Variants in RFTN2 observed in about 807,000 individuals in gnomAD.
The protein encoded by RFTN2 is raftlin family member 2.
RFTN2 carries 34 observed loss-of-function variants against 52.7 expected under a neutral mutation model. That is an observed-to-expected ratio of 0.64 (90% CI 0.49 to 0.86). RFTN2 has a LOEUF of 0.86. Ranked by LOEUF, RFTN2 falls within the 40% of genes least tolerant of loss-of-function variation. The pLI, the probability that RFTN2 is intolerant of heterozygous loss-of-function variation, is 0.00. For synonymous variants in RFTN2, 203 were observed against 217.7 expected (o/e 0.93, Z 0.59); for missense variants, 536 against 600.1 (o/e 0.89, Z 1.12).
At chr2:197,631,607 C>T (rs1199365832) in intron 4 of RFTN2, among the ~76,000 whole-genome samples, 1 of 152,116 alleles carries the variant, frequency 6.6e-6, no homozygotes, top group Non-Finnish European at 1.5e-5. Context: ...GTTCAACATG[C>T]CTTTGAAATG....
intron 1 of RFTN2, among the ~76,000 whole-genome samples, chr2:197,661,700 T>C (rs1424810833): frequency 1.3e-5 from 2 of 152,156 alleles, no homozygotes; most frequent in African/African-American, 4.8e-5. Flanking sequence ...TTTAGTTTTT[T>C]GAGAAATCTC....
chr2:197,583,873 T>C (rs896873298), intron 8 of RFTN2, among the ~76,000 whole-genome samples: 2 of 151,912 alleles, frequency 1.3e-5, no homozygotes, highest in Non-Finnish European at 2.9e-5. Context: ...TGAGAACATG[T>C]GGTGTTTGGT....
At chr2:197,641,481 T>G (rs1437712841) in intron 3 of RFTN2, among the ~76,000 whole-genome samples, 2 of 152,234 alleles carry the variant, frequency 1.3e-5, no homozygotes, top group Non-Finnish European at 2.9e-5. Context: ...CAGTGCTTCC[T>G]CTAGGTCTTG....
At chr2:197,617,995 TAACTC>T in intron 5 of RFTN2, 74 bp from the exon 6 acceptor site, 1 of 1,211,104 alleles carries the variant, frequency 8.3e-7, no homozygotes, top group Non-Finnish European at 1.1e-6. Context: ...AATCCTTAAA[TAACTC>T]ATATAGGAAA....
chr2:197,655,168 T>C (rs1465738747), intron 1 of RFTN2, among the ~76,000 whole-genome samples: 2 of 152,182 alleles, frequency 1.3e-5, no homozygotes, highest in African/African-American at 2.4e-5. Context: ...AGCAGAATTA[T>C]ACAACATGTT....
intron 7 of RFTN2, among the ~76,000 whole-genome samples, chr2:197,612,227 A>G (rs1348549744): frequency 6.6e-6 from 1 of 152,066 alleles, no homozygotes; most frequent in African/African-American, 2.4e-5. Flanking sequence ...GATATAAATG[A>G]GTGCATGTCT....
At chr2:197,575,019 T>C (rs2087388838) in intron 8 of RFTN2, among the ~76,000 whole-genome samples, 1 of 152,178 alleles carries the variant, frequency 6.6e-6, no homozygotes, top group Non-Finnish European at 1.5e-5. Flanking sequence ...CCAAATCTCA[T>C]CTTGAATTGT....
chr2:197,633,152 T>A (rs1367948407), intron 4 of RFTN2, among the ~76,000 whole-genome samples: 1 of 152,208 alleles, frequency 6.6e-6, no homozygotes, highest in Non-Finnish European at 1.5e-5. Flanking sequence ...ACTCTCAGTT[T>A]CTTTGGAAGA....
At chr2:197,671,599 G>A (rs1470523841) in intron 1 of RFTN2, among the ~76,000 whole-genome samples, 1 of 152,168 alleles carries the variant, frequency 6.6e-6, no homozygotes. Context: ...ATATCCGAGG[G>A]CAGAAACTGT....
intron 7 of RFTN2, among the ~76,000 whole-genome samples, chr2:197,614,578 C>G (rs145966772): frequency 6.6e-6 from 1 of 152,328 alleles, no homozygotes; most frequent in East Asian, 1.9e-4. Flanking sequence ...CACATGCCTA[C>G]TTGGGCTTTG....
At chr2:197,574,826 C>T (rs1423287029) in intron 8 of RFTN2, among the ~76,000 whole-genome samples, 2 of 152,144 alleles carry the variant, frequency 1.3e-5, no homozygotes, top group Non-Finnish European at 2.9e-5. Flanking sequence ...CAAGATCACA[C>T]CAATGCACTC....
At chr2:197,674,593 C>A (rs1198033408) in intron 1 of RFTN2, among the ~76,000 whole-genome samples, 3 of 151,982 alleles carry the variant, frequency 2.0e-5, no homozygotes, top group Non-Finnish European at 2.9e-5. Flanking sequence ...TAAAAAGCTG[C>A]TTTGTCTGTG....
At chr2:197,591,677 G>A (rs561671391) in intron 8 of RFTN2, among the ~76,000 whole-genome samples, 18 of 152,308 alleles carry the variant, frequency 1.2e-4, no homozygotes, top group East Asian at 5.8e-4. Context: ...CAGGCATGGC[G>A]GGCTGCAGGT....
chr2:197,573,892 C>T lies in RFTN2; in HGVS notation c.1234-1612G>A, dbSNP rs144564989. ...GTGCAAGCCCCAAGCCTTGGTGGCT[C>T]ACATGTTGTTTTGGGCCTGTGGGTA... On this transcript the variant is annotated intron_variant, in intron 8 of 8. Transcript: ENST00000295049. Among the ~76,000 whole-genome samples, 684 of 152,316 alleles carry T rather than the reference C, an allele frequency of 4.5e-3. 20 individuals are homozygous for T. The highest frequency in any genetic ancestry group is 0.036 in the Admixed American group (545 of 15,298).
chr2:197,571,618 TTAAA>T lies in RFTN2; in HGVS notation c.*386_*389del, dbSNP rs2087319409. 1 of 179,328 alleles carries T rather than the reference TTAAA, an allele frequency of 5.6e-6. No individual in the cohort carries two copies. Among genetic ancestry groups the T allele is most frequent in the South Asian group, 1.4e-4 (1 of 6,940 alleles). The allele number at this position is 179,328 out of a possible 1,614,324, so 11.1% of individuals were successfully genotyped here. The stretch of plus-strand genomic sequence containing the variant: ...AGAGAGAGAGAGGTTATTTTTCAGC[TTAAA>T]TAAGACTGTAACTTCCTGAGAACTC... On this transcript the variant is annotated 3_prime_UTR_variant, in exon 9 of 9. Transcript: ENST00000295049.
chr2:197,658,211 A>G (rs1262499634), intron 1 of RFTN2, among the ~76,000 whole-genome samples: 2 of 148,970 alleles, frequency 1.3e-5, no homozygotes, highest in Admixed American at 6.7e-5. Context: ...AAAAATGAGT[A>G]TCCTTTAAGG....
Position 197,665,517 on chromosome 2 carries a change from C to CTTTTTTTTTTT in RFTN2, c.139+9792_139+9802dup. On this transcript the variant is annotated intron_variant, in intron 1 of 8. Transcript: ENST00000295049. ...ATTCCTTTATCATTATGTACCTTGC[C>CTTTTTTTTTTT]TTTTTTTTTTTTTTTTACTGTTTTC... Among the ~76,000 whole-genome samples the CTTTTTTTTTTT allele has an allele frequency of 3.3e-3, 137 of 41,246 alleles. 4 individuals are homozygous for CTTTTTTTTTTT. The highest frequency in any genetic ancestry group is 0.062 in the Middle Eastern group (2 of 32). 27.1% of individuals were successfully genotyped at this position (41,246 alleles called of 152,430 possible).
At chr2:197,590,248 C>T (rs1559340815) in intron 8 of RFTN2, among the ~76,000 whole-genome samples, 1 of 152,084 alleles carries the variant, frequency 6.6e-6, no homozygotes, top group Non-Finnish European at 1.5e-5. Flanking sequence ...AGATTTTCTC[C>T]TATGTTTTTT....
chr2:197,619,636 A>T (rs950597271), intron 5 of RFTN2, among the ~76,000 whole-genome samples: 8 of 148,702 alleles, frequency 5.4e-5, no homozygotes, highest in Admixed American at 2.7e-4. Flanking sequence ...GCCTAGGAAA[A>T]CCAGAGACCT....
Sources: allele counts gnomAD v4.1 joint callset (sites outside exome capture counted in the v4.1 genomes callset), GRCh38; gene constraint gnomAD v4.1.1; transcripts MANE v1.5; gene names NCBI Gene and HGNC (gene_info 2026-07-23, HGNC 2026-07-21).